The following MYMX variants were observed in gnomAD, a reference collection of about 807,000 sequenced individuals.
MYMX encodes protein myomixer.
the MYMX span, chr6:44,210,145 C>A: frequency 6.6e-6 from 1 of 151,604 alleles, no homozygotes; most frequent in African/African-American, 2.4e-5. Context: ...CGGGGTTTCA[C>A]CGTGTTAGCA....
chr6:44,211,099 T>A, the MYMX span, among the ~76,000 whole-genome samples: 1 of 152,192 alleles, frequency 6.6e-6, no homozygotes, highest in African/African-American at 2.4e-5. Context: ...CAAGACTCTG[T>A]CTAAATAAAT....
At chr6:44,208,456 C>T in the MYMX span, among the ~76,000 whole-genome samples, 2 of 152,092 alleles carry the variant, frequency 1.3e-5, no homozygotes, top group African/African-American at 2.4e-5. Flanking sequence ...TCTCCACCTT[C>T]TTATACTCCT....
the MYMX span, among the ~76,000 whole-genome samples, chr6:44,199,334 C>A: frequency 1.3e-5 from 2 of 151,936 alleles, no homozygotes; most frequent in Non-Finnish European, 2.9e-5. Flanking sequence ...GTAGCTGGGA[C>A]TACAGGTGTG....
chr6:44,204,846 TG>T, the MYMX span, among the ~76,000 whole-genome samples: 7 of 152,286 alleles, frequency 4.6e-5, no homozygotes, highest in African/African-American at 1.7e-4. Context: ...AAATTAAAAA[TG>T]TTTTTCTCCT....
Position 44,217,854 on chromosome 6 carries a change from G to T in MYMX, c.*128G>T, listed in dbSNP as rs1775967405. The T allele has an allele frequency of 2.5e-6, 1 of 399,468 alleles. No individual in the cohort carries two copies. The highest frequency in any genetic ancestry group is 2.1e-5 in the African/African-American group (1 of 48,696). The allele number at this position is 399,468 out of a possible 1,614,324, so 24.7% of individuals were successfully genotyped here. A position where few individuals can be genotyped will look rare whatever the true frequency, so the allele number is the denominator to read the frequency against. On this transcript the variant is annotated 3_prime_UTR_variant, in exon 2 of 2. Transcript: ENST00000573382. ...TATAGTGAGGGTTGTGCATGAGAGG[G>T]ATCTGCCACAGACATGCCTCTCCAC...
the MYMX span, among the ~76,000 whole-genome samples, chr6:44,205,505 A>G: frequency 2.6e-5 from 4 of 152,058 alleles, no homozygotes; most frequent in South Asian, 6.2e-4. Flanking sequence ...CCAAATAAAT[A>G]AATAAATAAA....
chr6:44,200,592 G>C, the MYMX span, among the ~76,000 whole-genome samples: 1 of 152,200 alleles, frequency 6.6e-6, no homozygotes, highest in African/African-American at 2.4e-5. Flanking sequence ...TGGGATTACA[G>C]GCGTGAGCCA....
the MYMX span, among the ~76,000 whole-genome samples, chr6:44,193,035 C>T: frequency 6.6e-6 from 1 of 152,152 alleles, no homozygotes; most frequent in Non-Finnish European, 1.5e-5. Context: ...GGAACCCTCC[C>T]AGGTCTGATG....
upstream of MYMX, among the ~76,000 whole-genome samples, chr6:44,212,540 G>A (rs1020406077): frequency 1.3e-5 from 2 of 151,770 alleles, no homozygotes; most frequent in African/African-American, 4.8e-5. Context: ...ATGTATACAT[G>A]TATTGAAATA....
chr6:44,207,879 GA>G, the MYMX span, among the ~76,000 whole-genome samples: 1 of 151,978 alleles, frequency 6.6e-6, no homozygotes, highest in Non-Finnish European at 1.5e-5. Context: ...GGCTTTAAAT[GA>G]AAAAGCTTAT....
chr6:44,212,872 A>AC (rs1480733743), upstream of MYMX, among the ~76,000 whole-genome samples: 8 of 151,724 alleles, frequency 5.3e-5, no homozygotes, highest in Non-Finnish European at 1.2e-4. Flanking sequence ...AAAAAAAAAA[A>AC]AAAACAAAAC....
At chr6:44,204,273 A>T in the MYMX span, among the ~76,000 whole-genome samples, 1 of 152,342 alleles carries the variant, frequency 6.6e-6, no homozygotes, top group South Asian at 2.1e-4. Flanking sequence ...GGGCAGCTGG[A>T]GGTGGGGTGG....
Position 44,217,939 on chromosome 6 carries a change from C to T in MYMX, c.*213C>T. 1 of 385,930 alleles carries T rather than the reference C, an allele frequency of 2.6e-6. No homozygotes were observed. Among genetic ancestry groups the T allele is most frequent in the East Asian group, 3.7e-5 (1 of 27,140 alleles). The allele number at this position is 385,930 out of a possible 1,614,324, so 23.9% of individuals were successfully genotyped here. A position where few individuals can be genotyped will look rare whatever the true frequency, so the allele number is the denominator to read the frequency against. On this transcript the variant is annotated 3_prime_UTR_variant, in exon 2 of 2. Transcript: ENST00000573382. ...GCATCTAGCACAAAACTGATTATTG[C>T]CCCTCTGTCCTCCAGCAGTTCCTCC...
the MYMX span, among the ~76,000 whole-genome samples, chr6:44,194,525 C>G: frequency 6.6e-6 from 1 of 152,196 alleles, no homozygotes; most frequent in African/African-American, 2.4e-5. Flanking sequence ...CCATCCTGTT[C>G]CACTCCCTTG....
the MYMX span, among the ~76,000 whole-genome samples, chr6:44,203,516 A>G: frequency 6.6e-6 from 1 of 152,142 alleles, no homozygotes; most frequent in Non-Finnish European, 1.5e-5. Context: ...ACAGTCCATT[A>G]CTGGTGAGAT....
At chr6:44,207,897 G>A in the MYMX span, among the ~76,000 whole-genome samples, 3 of 151,946 alleles carry the variant, frequency 2.0e-5, no homozygotes, top group East Asian at 1.9e-4. Flanking sequence ...TTATTGGTTC[G>A]AGTCACTTCT....
At chr6:44,211,789 T>TGTGTGTGTGTGTGTGG in the MYMX span, among the ~76,000 whole-genome samples, 1 of 10,264 alleles carries the variant, frequency 9.7e-5, no homozygotes, top group African/African-American at 4.8e-4. Flanking sequence ...AGCTAGGTTT[T>TGTGTGTGTGTGTGTGG]GTGTGTGTGT....
the MYMX span, among the ~76,000 whole-genome samples, chr6:44,192,960 A>G: frequency 4.6e-5 from 7 of 152,242 alleles, no homozygotes; most frequent in East Asian, 1.2e-3. Flanking sequence ...ACCGCTTCCT[A>G]TTTTGAACTT....
chr6:44,206,589 T>C, the MYMX span, among the ~76,000 whole-genome samples: 7,688 of 152,282 alleles, frequency 0.05, 630 homozygotes, highest in African/African-American at 0.17. Flanking sequence ...TGTTCTTGTG[T>C]AGCACACTAG....
Sources: gnomAD v4.1 joint callset for allele counts (sites outside exome capture counted in the v4.1 genomes callset) on GRCh38, gnomAD v4.1.1 for gene constraint, MANE v1.5 for transcripts, NCBI Gene and HGNC (gene_info 2026-07-23, HGNC 2026-07-21) for gene names.